The following TRIO variants were observed in gnomAD, a reference collection of about 807,000 sequenced individuals.
TRIO encodes trio Rho guanine nucleotide exchange factor, also known as triple functional domain protein.
TRIO carries 58 observed loss-of-function variants against 351.9 expected under a neutral mutation model. The ratio of observed to expected loss-of-function variants is 0.16; its 90% CI spans 0.13 to 0.21. The LOEUF is 0.21. TRIO is among the 10% of genes least tolerant of loss of function. The probability of loss-of-function intolerance (pLI) is 1.00; values close to 1 mark genes in which losing one functional copy is unlikely to be tolerated. For synonymous variants in TRIO, 1,758 were observed against 1,595.7 expected, an observed-to-expected ratio of 1.10 and a Z score of -2.42; for missense variants, 3,201 against 4,027.8, an observed-to-expected ratio of 0.79 and a Z score of 5.56.
intron 55 of TRIO, among the ~76,000 whole-genome samples, chr5:14,506,624 A>G (rs1048486532): frequency 6.6e-6 from 1 of 152,016 alleles, no homozygotes; most frequent in Non-Finnish European, 1.5e-5. Context: ...TTTTTTTAGT[A>G]TGAACAGTAG....
chr5:14,192,271 T>C (rs202015598), intron 1 of TRIO, among the ~76,000 whole-genome samples: 35 of 151,666 alleles, frequency 2.3e-4, no homozygotes, highest in South Asian at 1.0e-3. Flanking sequence ...TTTTTTTTTT[T>C]CCCCCAAGAA....
intron 55 of TRIO, among the ~76,000 whole-genome samples, chr5:14,506,416 G>A (rs896527941): frequency 6.6e-6 from 1 of 151,698 alleles, no homozygotes; most frequent in South Asian, 2.1e-4. Context: ...GAGAGGTGGG[G>A]GCCAGACCAC....
At position 14,492,645 on chromosome 5, in the gene TRIO, A is replaced by T. The variant is rs768003700; in HGVS notation, c.7711A>T (p.Asn2571Tyr). 6 of 1,614,246 alleles carry T rather than the reference A, an allele frequency of 3.7e-6. No homozygotes were observed. Among genetic ancestry groups the T allele is most frequent in the Middle Eastern group, 1.6e-4 (1 of 6,062 alleles). Residue 2571 changes from asparagine (N) to tyrosine (Y), a missense_variant, in exon 49 of 57, where the codon AAC becomes TAC. By Grantham distance (143) the Asn-to-Tyr change is moderately radical. This residue lies in a region of TRIO where 1,089 missense variants were observed against 954.9 expected (regional missense o/e 1.14). Transcript: ENST00000344204. ...CACGGCAGTGAAGGAGGATGAGATC[A>T]ACGTCTACCAAGGAGAGGTCGTTCA... ...DYTAVKEDEI[N>Y]VYQGEVVQIL...
chr5:14,344,507 G>T (rs1742238697), intron 11 of TRIO, among the ~76,000 whole-genome samples: 3 of 152,250 alleles, frequency 2.0e-5, no homozygotes, highest in Admixed American at 2.0e-4. Flanking sequence ...TACAATATAG[G>T]ATAATACAAT....
intron 1 of TRIO, among the ~76,000 whole-genome samples, chr5:14,241,172 AAGG>A (rs1364151147): frequency 6.6e-6 from 1 of 152,226 alleles, no homozygotes; most frequent in Non-Finnish European, 1.5e-5. Flanking sequence ...TTCTTCAAAG[AAGG>A]ATGTTTTCCA....
In TRIO at chr5:14,465,654, G is replaced by C; in HGVS notation, c.5763+14G>C. On this transcript the variant is annotated intron_variant, in intron 37 of 56. Transcript: ENST00000344204. The stretch of plus-strand genomic sequence containing the variant: ...AAAAGCAAGATGGTGAGGCCTCCCA[G>C]AGAAAGTCTGACTTTTGGAAGCTGC... The C allele has an allele frequency of 6.2e-7, 1 of 1,614,004 alleles. No homozygotes were observed. The highest frequency in any genetic ancestry group is 1.1e-5 in the South Asian group (1 of 91,056).
At chr5:14,399,310 A>G (rs1747872824) in intron 30 of TRIO, 1 of 497,162 alleles carries the variant, frequency 2.0e-6, no homozygotes, top group East Asian at 2.9e-5. Context: ...CCTGTATCAT[A>G]TAACTGCAGG....
At position 14,394,417 on chromosome 5, in the gene TRIO, C is replaced by G. The variant is rs138099114; in HGVS notation, c.4311+287C>G. Among the ~76,000 whole-genome samples, 1,930 of 152,282 alleles carry G rather than the reference C, an allele frequency of 0.013. 50 individuals carry two copies. The highest frequency in any genetic ancestry group is 0.044 in the African/African-American group (1,824 of 41,546). ...ACCCTTAGTTCCCAGCTGTGGCTTG[C>G]TGACTGCGGGCCAGGCATGGTGCAC... On this transcript the variant is annotated intron_variant, in intron 28 of 56. Transcript: ENST00000344204.
chr5:14,328,125 C>T (rs547940301), intron 9 of TRIO, among the ~76,000 whole-genome samples: 1 of 152,328 alleles, frequency 6.6e-6, no homozygotes, highest in African/African-American at 2.4e-5. Flanking sequence ...AAACAATGCG[C>T]TCAATCCACC....
chr5:14,465,465 T>C (rs1579736847), intron 36 of TRIO, 80 bp from the exon 37 acceptor site: 8 of 1,364,614 alleles, frequency 5.9e-6, no homozygotes, highest in Non-Finnish European at 6.3e-6. Flanking sequence ...GAGATGGAGC[T>C]TGCAGGGGAA....
intron 11 of TRIO, among the ~76,000 whole-genome samples, chr5:14,337,422 A>G (rs969870118): frequency 2.6e-5 from 4 of 152,224 alleles, no homozygotes; most frequent in African/African-American, 9.6e-5. Context: ...ATGTCAACTT[A>G]CCACACCTTA....
Position 14,509,209 on chromosome 5 carries a change from T to A in TRIO, c.*787T>A, listed in dbSNP as rs1287010832. ...AATCAGATTGTGGAGCAGTACACAG[T>A]CAGATGAAAATACTGTAAATGCACT... On this transcript the variant is annotated 3_prime_UTR_variant, in exon 57 of 57. Coordinates refer to ENST00000344204, the MANE Select transcript of TRIO (RefSeq NM_007118.4). The A allele has an allele frequency of 3.0e-6, 1 of 335,358 alleles. No homozygotes were observed. The highest frequency in any genetic ancestry group is 5.7e-6 in the Non-Finnish European group (1 of 174,216). The allele number at this position is 335,358 out of a possible 1,614,324, so 20.8% of individuals were successfully genotyped here. A position where few individuals can be genotyped will look rare whatever the true frequency, so the allele number is the denominator to read the frequency against.
At chr5:14,339,963 G>A (rs1233343143) in intron 11 of TRIO, among the ~76,000 whole-genome samples, 1 of 152,232 alleles carries the variant, frequency 6.6e-6, no homozygotes, top group Non-Finnish European at 1.5e-5. Flanking sequence ...ATGCTAATTT[G>A]CTAGGTGTTT....
intron 1 of TRIO, among the ~76,000 whole-genome samples, chr5:14,212,155 G>A (rs1791947346): frequency 6.6e-6 from 1 of 151,888 alleles, no homozygotes; most frequent in African/African-American, 2.4e-5. Flanking sequence ...AAAAAAAAAG[G>A]CAAATTAATG....
rs148587463 is a variant in TRIO, at chr5:14,208,324, C to T, written c.158-62501C>T. Among the ~76,000 whole-genome samples the T allele has an allele frequency of 1.2e-3, 188 of 152,318 alleles. 3 individuals are homozygous for T. In the East Asian group the frequency reaches 0.028, roughly 23 times the overall value. The stretch of plus-strand genomic sequence containing the variant: ...CATATCCAGACGGTTAAATACTCCT[C>T]AGCAATAAGGAACAAATTTCTGACA... On this transcript the variant is annotated intron_variant, in intron 1 of 56. Coordinates refer to ENST00000344204, the MANE Select transcript of TRIO (RefSeq NM_007118.4).
chr5:14,358,376 C>G, intron 12 of TRIO, 29 bp downstream of exon 12: 1 of 1,609,046 alleles, frequency 6.2e-7, no homozygotes, highest in African/African-American at 1.3e-5. Flanking sequence ...CTGGTCCGAA[C>G]AGATTCTGAA....
Position 14,371,210 on chromosome 5 carries a change from A to G in TRIO, c.3216+1687A>G, listed in dbSNP as rs191296015. ...TGTGATGTTGAGTAGATTAGGTGCAATAAACTCATTTTTGACTTACGATTT... is the reference window on the plus strand; with the variant it reads ...TGTGATGTTGAGTAGATTAGGTGCAGTAAACTCATTTTTGACTTACGATTT... On this transcript the variant is annotated intron_variant, in intron 18 of 56. Transcript: ENST00000344204. Among the ~76,000 whole-genome samples the G allele has an allele frequency of 2.0e-4, 31 of 152,346 alleles. No homozygotes were observed. In the East Asian group the frequency reaches 5.6e-3, roughly 27 times the overall value.
At chr5:14,298,508 G>A (rs1219423689) in intron 7 of TRIO, among the ~76,000 whole-genome samples, 2 of 152,108 alleles carry the variant, frequency 1.3e-5, no homozygotes, top group Admixed American at 6.5e-5. Context: ...GCATTTGCAC[G>A]GATGCTTCTT....
intron 1 of TRIO, among the ~76,000 whole-genome samples, chr5:14,253,767 T>A (rs1794875819): frequency 6.6e-6 from 1 of 152,224 alleles, no homozygotes; most frequent in Non-Finnish European, 1.5e-5. Context: ...GAGTTAAAAC[T>A]ATTTTCACAA....
Sources: gnomAD v4.1 joint callset for allele counts (sites outside exome capture counted in the v4.1 genomes callset) on GRCh38, gnomAD v4.1.1 for gene constraint, gnomAD v4.1.1 regional missense constraint, MANE v1.5 for transcripts, NCBI Gene and HGNC (gene_info 2026-07-23, HGNC 2026-07-21) for gene names.